Variants in LINGO1 observed in about 807,000 individuals in gnomAD.
LINGO1 encodes leucine-rich repeat and immunoglobulin-like domain-containing nogo receptor-interacting protein 1.
In LINGO1, 11 loss-of-function variants were observed where a neutral mutation model predicts 37.3. The ratio of observed to expected loss-of-function variants is 0.29; its 90% confidence interval spans 0.19 to 0.49. The LOEUF is 0.49. LINGO1 is among the 20% of genes least tolerant of loss of function. The probability of loss-of-function intolerance (pLI) is 0.99; values close to 1 mark genes in which losing one functional copy is unlikely to be tolerated. For synonymous variants in LINGO1, 387 were observed against 403.0 expected, an observed-to-expected ratio of 0.96 and a Z score of 0.48; for missense variants, 585 against 878.2, an observed-to-expected ratio of 0.67 and a Z score of 4.22.
chr15:77,626,280 G>A (rs1469707146), intron 1 of LINGO1, among the ~76,000 whole-genome samples: 1 of 151,580 alleles, frequency 6.6e-6, no homozygotes, highest in Admixed American at 6.6e-5. Flanking sequence ...AGAGAGTTTG[G>A]GTTATTTCTG....
chr15:77,760,916 CTTTTTTTTTTTTTTTTT>C (rs34524098), intron 1 of LINGO1, among the ~76,000 whole-genome samples: 1 of 96,400 alleles, frequency 1.0e-5, no homozygotes, highest in Non-Finnish European at 1.9e-5. Flanking sequence ...TAATAAGTAT[CTTTTTTTTTTTTTTTTT>C]TTTTTTTTTT....
intron 1 of LINGO1, among the ~76,000 whole-genome samples, chr15:77,806,262 C>T (rs377604570): frequency 1.3e-5 from 2 of 152,200 alleles, no homozygotes; most frequent in South Asian, 2.1e-4. Context: ...AGGGCAGAGG[C>T]GGCCCTCCGA....
In LINGO1 at chr15:77,614,542, G is replaced by A. The variant is rs2073622195; in HGVS notation, c.1365C>T (p.Ala455=). 5 of 1,610,162 alleles carry A rather than the reference G, an allele frequency of 3.1e-6. No individual in the cohort carries two copies. Among genetic ancestry groups the A allele is most frequent in the South Asian group, 2.2e-5 (2 of 90,896 alleles). ...VCRADGDPPP[A]ILWLSPRKHL... is the part of the protein sequence containing the mutation. ...GCTTTCGGGGTGAGAGCCAGAGGAT[G>A]GCGGGCGGCGGGTCGCCATCGGCCC... The change falls in exon 2 of 2, where the codon GCC becomes GCT. Residue 455 remains alanine (A), a synonymous_variant. Coordinates refer to ENST00000355300, the MANE Select transcript of LINGO1 (RefSeq NM_032808.7).
At chr15:77,789,483 G>A (rs758115113), upstream of LINGO1, among the ~76,000 whole-genome samples, 12 of 152,046 alleles carry the variant, frequency 7.9e-5, no homozygotes, top group South Asian at 2.1e-4. Context: ...GGCGCATGCC[G>A]GTAGTCCCAG....
In LINGO1 at chr15:77,614,082, C is replaced by T. The variant is rs367728067; in HGVS notation, c.1825G>A (p.Ala609Thr). Residue 609 changes from alanine (A) to threonine (T), a missense_variant, in exon 2 of 2, where the codon GCC (alanine) becomes ACC (threonine). Ala to Thr is a moderately conservative substitution (Grantham distance 58, BLOSUM62 0). Around this residue, in one of 4 missense-constraint regions of LINGO1, gnomAD observed 34 missense variants for 62.0 expected, o/e 0.55. Transcript: ENST00000355300. The part of the protein sequence containing the change: ...PRKSDAGISS[A>T]DAPRKFNMKM... ...ATGTTGAACTTGCGGGGCGCGTCGG[C>T]GGAGCTGATGCCTGCGTCCGACTTT... 30 of 1,611,782 alleles carry T rather than the reference C, an allele frequency of 1.9e-5. 1 individual carries two copies. The highest frequency in any genetic ancestry group is 8.8e-5 in the South Asian group (8 of 90,852).
chr15:77,712,668 T>G (rs918459221), intron 2 of LINGO1, among the ~76,000 whole-genome samples: 1 of 152,098 alleles, frequency 6.6e-6, no homozygotes, highest in Non-Finnish European at 1.5e-5. Context: ...CCTCCCTTCC[T>G]CCATGTGACC....
intron 1 of LINGO1, among the ~76,000 whole-genome samples, chr15:77,818,418 G>C (rs971865375): frequency 6.6e-6 from 1 of 152,220 alleles, no homozygotes; most frequent in Non-Finnish European, 1.5e-5. Flanking sequence ...CACAATGGGA[G>C]AGGGTACAAA....
upstream of LINGO1, chr15:77,634,434 A>G (rs2074353888): frequency 6.9e-6 from 3 of 436,098 alleles, no homozygotes; most frequent in African/African-American, 2.0e-5. Context: ...CGTCCATGCT[A>G]TGCTCTACTG....
chr15:77,791,080 C>T (rs1460268259), upstream of LINGO1, among the ~76,000 whole-genome samples: 1 of 152,174 alleles, frequency 6.6e-6, no homozygotes, highest in Non-Finnish European at 1.5e-5. Flanking sequence ...CAGATGATTC[C>T]TGTCTCTAAT....
chr15:77,696,483 T>G (rs1013897802), exon 1 of LINGO1: 1 of 152,372 alleles, frequency 6.6e-6, no homozygotes, highest in Admixed American at 6.5e-5. Context: ...GTCTCTTAGA[T>G]GGAGCTAATA....
At chr15:77,746,545 G>A (rs1179188576) in intron 1 of LINGO1, among the ~76,000 whole-genome samples, 2 of 152,204 alleles carry the variant, frequency 1.3e-5, no homozygotes, top group East Asian at 1.9e-4. Flanking sequence ...GACCTAAGGG[G>A]TAGAATTGCC....
chr15:77,692,592 T>G (rs891416837), intron 1 of LINGO1, among the ~76,000 whole-genome samples: 1 of 152,226 alleles, frequency 6.6e-6, no homozygotes, highest in African/African-American at 2.4e-5. Context: ...AGACCTCGAC[T>G]GTGAATGTAA....
intron 1 of LINGO1, among the ~76,000 whole-genome samples, chr15:77,758,756 G>C (rs1203946189): frequency 6.6e-6 from 1 of 152,040 alleles, no homozygotes; most frequent in African/African-American, 2.4e-5. Context: ...GGTTTTGGGG[G>C]GATCAGATGG....
intron 1 of LINGO1, among the ~76,000 whole-genome samples, chr15:77,623,484 T>C (rs1011808007): frequency 1.3e-5 from 2 of 152,164 alleles, no homozygotes; most frequent in Non-Finnish European, 2.9e-5. Flanking sequence ...ATGGGAGAAA[T>C]AATTCCGTTG....
At chr15:77,794,590 A>ATTTTTT (rs370121489) in intron 2 of LINGO1, among the ~76,000 whole-genome samples, 2 of 93,526 alleles carry the variant, frequency 2.1e-5, no homozygotes, top group African/African-American at 8.2e-5. Context: ...ATATATATAT[A>ATTTTTT]TTTTTTTTTT....
chr15:77,713,647 G>A (rs1464875641), intron 2 of LINGO1, among the ~76,000 whole-genome samples: 1 of 152,176 alleles, frequency 6.6e-6, no homozygotes, highest in South Asian at 2.1e-4. Context: ...ACACACGAGT[G>A]TATGTATAAC....
At chr15:77,642,447 T>C (rs976479646) in intron 3 of LINGO1, among the ~76,000 whole-genome samples, 1 of 152,240 alleles carries the variant, frequency 6.6e-6, no homozygotes, top group Non-Finnish European at 1.5e-5. Context: ...GGCTCCTCTA[T>C]GTGAAGAGCT....
At chr15:77,658,864 C>T (rs1253559945) in intron 3 of LINGO1, among the ~76,000 whole-genome samples, 2 of 152,096 alleles carry the variant, frequency 1.3e-5, no homozygotes, top group African/African-American at 4.8e-5. Flanking sequence ...GGGAGAGGAG[C>T]AGGGGAAAGG....
At chr15:77,664,166 TGTGTGCGC>T (rs2075066186) in intron 3 of LINGO1, among the ~76,000 whole-genome samples, 1 of 122,968 alleles carries the variant, frequency 8.1e-6, no homozygotes, top group African/African-American at 4.5e-5. Context: ...TGTGTGTGTG[TGTGTGCGC>T]GCGCGCATGC....
Sources: gnomAD v4.1 joint callset for allele counts (sites outside exome capture counted in the v4.1 genomes callset) on GRCh38, gnomAD v4.1.1 for gene constraint, gnomAD v4.1.1 regional missense constraint, MANE v1.5 for transcripts, NCBI Gene and HGNC (gene_info 2026-07-23, HGNC 2026-07-21) for gene names.